ACAP3: variants seen among roughly 807,000 people sequenced by gnomAD.
ACAP3 encodes the protein arf-GAP with coiled-coil, ANK repeat and PH domain-containing protein 3.
Under a neutral mutation model 104.1 loss-of-function variants are expected in ACAP3, and 56 were observed. That is an observed-to-expected ratio of 0.54 (90% CI 0.43 to 0.67). The LOEUF is 0.67. ACAP3 is among the 30% of genes least tolerant of loss of function. ACAP3 has a pLI of 0.00. For missense variants in ACAP3, 1,208 were observed against 1,174.9 expected (o/e 1.03, Z -0.41); for synonymous variants, 628 against 496.2 (o/e 1.27, Z -3.53).
chr1:1,299,433 C>G, intron 9 of ACAP3, 77 bp from the exon 10 acceptor site: 1 of 1,438,398 alleles, frequency 7.0e-7, no homozygotes, highest in Non-Finnish European at 9.2e-7. Flanking sequence ...GACTGGTGGA[C>G]CCGTCCCCAA....
chr1:1,304,211 C>G (rs765369250), intron 1 of ACAP3, 68 bp from the exon 2 acceptor site: 19 of 1,536,376 alleles, frequency 1.2e-5, no homozygotes, highest in East Asian at 4.9e-5. Flanking sequence ...CACCTCCCCC[C>G]GCACCTCCCT....
Position 1,296,646 on chromosome 1 carries a change from G to A in ACAP3, c.1129-13C>T, listed in dbSNP as rs746473595. The stretch of plus-strand genomic sequence containing the variant: ...TGCGGTCCAGCCTCTGGAGGATGGG[G>A]TGGAGCTGCTCGGTCCCGCAGGGGC... On this transcript the variant is annotated splice_polypyrimidine_tract_variant and intron_variant, in intron 14 of 23. Coordinates refer to ENST00000354700, the MANE Select transcript of ACAP3 (RefSeq NM_030649.3). 4.1e-5 allele frequency: 62 copies of A among 1,529,512 alleles called. No individual in the cohort carries two copies. In the African/African-American group the frequency reaches 7.7e-4, roughly 19 times the overall value. 94.7% of individuals were successfully genotyped at this position (1,529,512 alleles called of 1,614,324 possible).
In ACAP3 at chr1:1,293,405, C is replaced by G; in HGVS notation, c.*159G>C. The G allele has an allele frequency of 1.4e-6, 1 of 694,924 alleles. No individual in the cohort carries two copies. The highest frequency in any genetic ancestry group is 2.0e-6 in the Non-Finnish European group (1 of 505,116). The allele number at this position is 694,924 out of a possible 1,614,324, so 43.0% of individuals were successfully genotyped here. A position where few individuals can be genotyped will look rare whatever the true frequency, so the allele number is the denominator to read the frequency against. On this transcript the variant is annotated 3_prime_UTR_variant, in exon 24 of 24. Transcript: ENST00000354700. Reference sequence around the variant, plus strand: ...AGAGACTCAGTGTGGGGCCCTCGCTCTCCTCCTGGGCGAGCAGGGCCGCGG... The same window carrying G: ...AGAGACTCAGTGTGGGGCCCTCGCTGTCCTCCTGGGCGAGCAGGGCCGCGG...
At chr1:1,307,630 T>A in intron 1 of ACAP3, 139 bp downstream of exon 1, 1 of 950,698 alleles carries the variant, frequency 1.1e-6, no homozygotes, top group Non-Finnish European at 1.3e-6. Context: ...GGCCGCCGCT[T>A]TGTCCGAGGC....
intron 10 of ACAP3, 187 bp downstream of exon 10, chr1:1,299,158 C>CA (rs541872087): frequency 0.01 from 7,730 of 763,412 alleles, 78 homozygotes; most frequent in Non-Finnish European, 0.012. Flanking sequence ...GGACAGCTGC[C>CA]GCCAACCCCA....
chr1:1,294,852 G>C, intron 19 of ACAP3, 36 bp from the exon 20 acceptor site: 1 of 1,545,488 alleles, frequency 6.5e-7, no homozygotes, highest in East Asian at 2.4e-5. Flanking sequence ...CTGAGGGTGG[G>C]AGGCCCAGAC....
chr1:1,292,617 C>G lies in ACAP3; in HGVS notation c.*947G>C, dbSNP rs1288086049. 6.6e-6 allele frequency: 1 copy of G among 152,324 alleles called. No homozygotes were observed. The highest frequency in any genetic ancestry group is 1.5e-5 in the Non-Finnish European group (1 of 68,120). The allele number at this position is 152,324 out of a possible 1,614,324, so 9.4% of individuals were successfully genotyped here. On this transcript the variant is annotated 3_prime_UTR_variant, in exon 24 of 24. Coordinates refer to ENST00000354700, the MANE Select transcript of ACAP3 (RefSeq NM_030649.3). The stretch of plus-strand genomic sequence containing the variant: ...ATTGCATAGTGACCAGCCGACTGGC[C>G]TTAGCCTGACCTGCGCTGAGTGGGG...
chr1:1,295,263 A>C (rs917652486), intron 19 of ACAP3, among the ~76,000 whole-genome samples, 184 bp downstream of exon 19: 22 of 151,966 alleles, frequency 1.4e-4, no homozygotes, highest in Non-Finnish European at 5.9e-5. Context: ...CACAGCCCAC[A>C]CACACATTTG....
At position 1,293,874 on chromosome 1, in the gene ACAP3, C is replaced by T. The variant is rs550797146; in HGVS notation, c.2309G>A (p.Arg770Gln). The T allele has an allele frequency of 3.2e-6, 5 of 1,583,136 alleles. No individual in the cohort carries two copies. In the South Asian group the frequency reaches 4.5e-5, roughly 14 times the overall value. The change falls in exon 23 of 24, where the codon CGG (arginine) becomes CAG (glutamine). Residue 770 changes from arginine (R) to glutamine (Q), a missense_variant. Arg to Gln is a conservative substitution (Grantham distance 43, BLOSUM62 1). Transcript: ENST00000354700. The stretch of plus-strand genomic sequence containing the variant: ...CTGCACTGCGATGGCCAACGGGTCC[C>T]GCTGCTCTTGGTCCAGGGCGTGCTG... ...ADQHALDQEQ[R>Q]DPLAIAVQAA...
chr1:1,298,268 A>G (rs1641285180), intron 12 of ACAP3, 102 bp downstream of exon 12: 3 of 1,585,430 alleles, frequency 1.9e-6, no homozygotes, highest in African/African-American at 2.7e-5. Flanking sequence ...TCCGGCGTCC[A>G]CTAGTGCCCC....
intron 1 of ACAP3, chr1:1,307,490 G>T: frequency 7.9e-7 from 1 of 1,258,618 alleles, no homozygotes; most frequent in Non-Finnish European, 1.0e-6. Flanking sequence ...GCCCAGTGGA[G>T]GTGCAGACAC....
intron 1 of ACAP3, chr1:1,304,367 C>T: frequency 1.7e-6 from 1 of 587,978 alleles, no homozygotes; most frequent in Non-Finnish European, 2.9e-6. Flanking sequence ...CGCTGCTGTG[C>T]CCTCGGGGAA....
intron 18 of ACAP3, 24 bp downstream of exon 18, chr1:1,295,712 C>T (rs1232719214): frequency 6.3e-7 from 1 of 1,585,828 alleles, no homozygotes; most frequent in Non-Finnish European, 8.6e-7. Flanking sequence ...CCCCTCCCAG[C>T]CCTGCCGGGG....
rs140156869 is a variant in ACAP3 at position 1,307,095 on chromosome 1, T to G, written c.47+674A>C. ...ACTTGGGGATGCAGAGAGGTTTCTTTGCCTCCATTGTCGTTTGCCAAATGT... is the reference window on the plus strand; with the variant it reads ...ACTTGGGGATGCAGAGAGGTTTCTTGGCCTCCATTGTCGTTTGCCAAATGT... On this transcript the variant is annotated intron_variant, in intron 1 of 23. Transcript: ENST00000354700. 21 of 1,042,402 alleles carry G rather than the reference T, an allele frequency of 2.0e-5. No individual in the cohort carries two copies. The African/African-American group carries it at 2.8e-4, about 14-fold the overall frequency. The allele number at this position is 1,042,402 out of a possible 1,614,324, so 64.6% of individuals were successfully genotyped here. A position where few individuals can be genotyped will look rare whatever the true frequency, so the allele number is the denominator to read the frequency against.
intron 10 of ACAP3, 132 bp downstream of exon 10, chr1:1,299,213 A>G: frequency 1.6e-6 from 2 of 1,225,500 alleles, no homozygotes; most frequent in Non-Finnish European, 2.3e-6. Context: ...TCACAGCCGC[A>G]TCAGCAGCAG....
Position 1,298,084 on chromosome 1 carries a change from G to A in ACAP3, c.945C>T (p.Leu315=). The change falls in exon 13 of 24, where the codon CTC becomes CTT. Residue 315 remains leucine (L), a synonymous_variant. Transcript: ENST00000354700. The part of the protein sequence containing the change: ...KDALTVVVDD[L]RLCSVKPCED... The stretch of plus-strand genomic sequence containing the variant: ...CACACGGCTTCACAGAGCACAGGCG[G>A]AGGTCATCCACCACCACGGTGAGGG... 1.2e-6 allele frequency: 2 copies of A among 1,609,600 alleles called. No homozygotes were observed. Among genetic ancestry groups the A allele is most frequent in the Non-Finnish European group, 1.7e-6 (2 of 1,178,550 alleles).
intron 4 of ACAP3, 109 bp downstream of exon 4, chr1:1,302,813 G>A (rs1361204338): frequency 1.2e-5 from 4 of 346,984 alleles, no homozygotes; most frequent in South Asian, 6.1e-5. Context: ...CCCCCGACTA[G>A]AGGAGCAGAA....
intron 1 of ACAP3, 172 bp from the exon 2 acceptor site, chr1:1,304,315 C>T: frequency 2.6e-6 from 2 of 760,172 alleles, no homozygotes; most frequent in Non-Finnish European, 4.2e-6. Context: ...AGGTTCAGTG[C>T]ACTTCCCCCC....
rs929563100 is a variant in ACAP3 at position 1,293,514 on chromosome 1, A to T, written c.*50T>A. The T allele has an allele frequency of 7.2e-7, 1 of 1,385,652 alleles. No homozygotes were observed. The highest frequency in any genetic ancestry group is 3.3e-5 in the East Asian group (1 of 30,244). The allele number at this position is 1,385,652 out of a possible 1,614,324, so 85.8% of individuals were successfully genotyped here. ...GGGTGGGCGCCAGGGACTTCGGGGC[A>T]TGCGGGGCGTCGGGCCGGGCGGGGT... On this transcript the variant is annotated 3_prime_UTR_variant, in exon 24 of 24. Coordinates refer to ENST00000354700, the MANE Select transcript of ACAP3 (RefSeq NM_030649.3).
Sources: gnomAD v4.1 joint callset for allele counts (sites outside exome capture counted in the v4.1 genomes callset) on GRCh38, gnomAD v4.1.1 for gene constraint, MANE v1.5 for transcripts, NCBI Gene and HGNC (gene_info 2026-07-23, HGNC 2026-07-21) for gene names.